The following RCN1 variants were observed in gnomAD, a reference collection of about 807,000 sequenced individuals.
The protein encoded by RCN1 is reticulocalbin-1.
In RCN1, 14 loss-of-function variants were observed where a neutral mutation model predicts 34.7. That is an observed-to-expected ratio of 0.40 (90% confidence interval 0.27 to 0.63). RCN1 has a LOEUF of 0.63. RCN1 is among the 30% of genes least tolerant of loss of function. The probability of loss-of-function intolerance (pLI) is 0.37; values close to 1 mark genes in which losing one functional copy is unlikely to be tolerated. For synonymous variants in RCN1, 125 were observed against 165.5 expected, an observed-to-expected ratio of 0.76 and a Z score of 1.88; for missense variants, 326 against 425.1, an observed-to-expected ratio of 0.77 and a Z score of 2.05.
chr11:32,091,477 G>C (rs534701713), intron 1 of RCN1, 27 bp downstream of exon 1: 3 of 1,536,358 alleles, frequency 2.0e-6, no homozygotes, highest in Middle Eastern at 1.8e-4. Context: ...GGCCCCGTGG[G>C]GGGCGGCGCA....
chr11:32,101,893 G>C (rs572043085), intron 4 of RCN1: 1 of 152,326 alleles, frequency 6.6e-6, no homozygotes, highest in South Asian at 2.1e-4. Flanking sequence ...GCTTTTGATT[G>C]AAAGTGTGCG....
At chr11:32,096,830 G>A (rs141945843) in intron 1 of RCN1, 321 of 267,402 alleles carry the variant, frequency 1.2e-3, no homozygotes, top group Admixed American at 3.5e-3. Context: ...GCTCTGATCC[G>A]TTGATAATGG....
At position 32,103,641 on chromosome 11, in the gene RCN1, G is replaced by A. The variant is rs548276464; in HGVS notation, c.888+161G>A. ...AGACCTGTAAACTTGAGCTAATACC[G>A]TGATAACCCACAGTAAAATTATTAG... On this transcript the variant is annotated intron_variant, in intron 5 of 5. Coordinates refer to ENST00000054950, the MANE Select transcript of RCN1 (RefSeq NM_002901.4). Among the ~76,000 whole-genome samples the A allele has an allele frequency of 1.2e-4, 19 of 152,262 alleles. No homozygotes were observed. The East Asian group carries it at 3.3e-3, about 26-fold the overall frequency.
chr11:32,091,723 G>A, intron 1 of RCN1: 2 of 461,250 alleles, frequency 4.3e-6, no homozygotes, highest in Admixed American at 4.5e-5. Context: ...CCAGGACGGC[G>A]AGGGCCCGCC....
At chr11:32,103,559 T>A (rs1852073014) in intron 5 of RCN1, 79 bp downstream of exon 5, 2 of 1,262,326 alleles carry the variant, frequency 1.6e-6, no homozygotes, top group Middle Eastern at 1.9e-4. Context: ...TTTTCGGCGA[T>A]AGCATTGACC....
Position 32,091,406 on chromosome 11 carries a change from G to A in RCN1, c.210G>A (p.Lys70=). 3.2e-6 allele frequency: 5 copies of A among 1,549,040 alleles called. No homozygotes were observed. Among genetic ancestry groups the A allele is most frequent in the Non-Finnish European group, 4.4e-6 (5 of 1,146,106 alleles). The change falls in exon 1 of 6, where the codon AAG becomes AAA. Residue 70 remains lysine (K), a synonymous_variant. Coordinates refer to ENST00000054950, the MANE Select transcript of RCN1 (RefSeq NM_002901.4). Reference sequence around the variant, plus strand: ...CCTTCCTGGGCAAGGAGGACTCCAAGACCTTCGACCAGCTCACCCCGGACG... The same window carrying A: ...CCTTCCTGGGCAAGGAGGACTCCAAAACCTTCGACCAGCTCACCCCGGACG... ...HEAFLGKEDS[K]TFDQLTPDES...
At chr11:32,093,007 A>C (rs1851938413) in intron 1 of RCN1, among the ~76,000 whole-genome samples, 1 of 152,204 alleles carries the variant, frequency 6.6e-6, no homozygotes, top group Admixed American at 6.5e-5. Context: ...TTAGGACTTA[A>C]CAATAGGGGC....
chr11:32,092,699 T>TGG (rs1195741445), intron 1 of RCN1, among the ~76,000 whole-genome samples: 1 of 152,094 alleles, frequency 6.6e-6, no homozygotes, highest in Non-Finnish European at 1.5e-5. Flanking sequence ...TGGTCCCAGA[T>TGG]GGAGGCAGGG....
intron 3 of RCN1, among the ~76,000 whole-genome samples, chr11:32,100,265 C>T (rs1852020251): frequency 1.3e-5 from 2 of 152,166 alleles, no homozygotes; most frequent in Non-Finnish European, 2.9e-5. Context: ...GTTAGTTGGC[C>T]TGGCAGGGCC....
intron 4 of RCN1, among the ~76,000 whole-genome samples, chr11:32,101,072 T>C (rs1852032170): frequency 6.6e-6 from 1 of 152,210 alleles, no homozygotes; most frequent in Non-Finnish European, 1.5e-5. Flanking sequence ...CAGAAAGGCA[T>C]TCTTCTTAGA....
chr11:32,100,681 T>C (rs1852027703), intron 4 of RCN1, 73 bp downstream of exon 4: 1 of 1,226,806 alleles, frequency 8.2e-7, no homozygotes, highest in South Asian at 1.2e-5. Flanking sequence ...GTCTGGCTAC[T>C]TTCCCCAGAC....
chr11:32,102,900 C>T (rs1236021508), intron 4 of RCN1: 7 of 417,442 alleles, frequency 1.7e-5, no homozygotes, highest in South Asian at 5.5e-5. Context: ...TATTAGTTTT[C>T]GCTTATGTAG....
chr11:32,104,212 C>T (rs1852080831), intron 5 of RCN1, among the ~76,000 whole-genome samples, 153 bp from the exon 6 acceptor site: 1 of 152,208 alleles, frequency 6.6e-6, no homozygotes, highest in South Asian at 2.1e-4. Flanking sequence ...TTTTGCAATG[C>T]AGTCATGGTA....
intron 4 of RCN1, chr11:32,102,263 A>C (rs553541158): frequency 6.3e-4 from 46 of 73,526 alleles, no homozygotes; most frequent in African/African-American, 2.5e-3. Context: ...TCATCTGTAA[A>C]ATGGGGGAAA....
Position 32,104,660 on chromosome 11 carries a change from G to A in RCN1, c.*188G>A. ...ATGGACATCACTAGTCTTTCAGTAA[G>A]ATTTCTCTCAAAACACGTGAAAACC... On this transcript the variant is annotated 3_prime_UTR_variant, in exon 6 of 6. Coordinates refer to ENST00000054950, the MANE Select transcript of RCN1 (RefSeq NM_002901.4). 2.1e-6 allele frequency: 1 copy of A among 483,348 alleles called. No individual in the cohort carries two copies. 29.9% of individuals were successfully genotyped at this position (483,348 alleles called of 1,614,324 possible).
At position 32,105,437 on chromosome 11, in the gene RCN1, T is replaced by G. The variant is rs1247567969; in HGVS notation, c.*965T>G. 3.9e-5 allele frequency: 6 copies of G among 152,304 alleles called. No individual in the cohort carries two copies. The highest frequency in any genetic ancestry group is 1.4e-4 in the African/African-American group (6 of 41,554). The allele number at this position is 152,304 out of a possible 1,614,324, so 9.4% of individuals were successfully genotyped here. ...CCATGGAATGAGGACAAGGTGATAC[T>G]CTGAGCTGTGGACTGAACTGGCAGA... On this transcript the variant is annotated 3_prime_UTR_variant, in exon 6 of 6. Transcript: ENST00000054950.
In RCN1 at chr11:32,097,340, A is replaced by C; in HGVS notation, c.448+3A>C. ...AGCCACCTATGGTTACTACCTAGGT[A>C]AGAGGTGCTGCAGGAGCGATGACAC... On this transcript the variant is annotated splice_donor_region_variant and intron_variant, in intron 2 of 5. Coordinates refer to ENST00000054950, the MANE Select transcript of RCN1 (RefSeq NM_002901.4). The C allele has an allele frequency of 6.5e-7, 1 of 1,543,688 alleles. No homozygotes were observed. The highest frequency in any genetic ancestry group is 8.7e-7 in the Non-Finnish European group (1 of 1,151,960).
At chr11:32,101,599 A>T (rs1231353512) in intron 4 of RCN1, among the ~76,000 whole-genome samples, 5 of 152,188 alleles carry the variant, frequency 3.3e-5, no homozygotes, top group Admixed American at 6.5e-5. Context: ...ACTTTCCTCT[A>T]ATCATTAGAA....
Position 32,097,556 on chromosome 11 carries a change from T to G in RCN1, c.448+219T>G, listed in dbSNP as rs144556034. 4.6e-3 allele frequency among the ~76,000 whole-genome samples: 695 copies of G among 152,082 alleles called. 16 individuals are homozygous for G. The highest frequency in any genetic ancestry group is 9.8e-3 in the East Asian group (51 of 5,178). ...GGGAGGGAAGGGCTGTGAGGGCTAA[T>G]AAAAAAAATCCCTTAGATTGAGACC... On this transcript the variant is annotated intron_variant, in intron 2 of 5. Coordinates refer to ENST00000054950, the MANE Select transcript of RCN1 (RefSeq NM_002901.4).
Sources: allele counts gnomAD v4.1 joint callset (sites outside exome capture counted in the v4.1 genomes callset), GRCh38; gene constraint gnomAD v4.1.1; transcripts MANE v1.5; gene names NCBI Gene and HGNC (gene_info 2026-07-23, HGNC 2026-07-21).